The following CFAP99 variants were observed in gnomAD, a reference collection of about 807,000 sequenced individuals.
CFAP99 encodes the protein cilia- and flagella-associated protein 99.
CFAP99 carries 84 observed loss-of-function variants against 82.7 expected under a neutral mutation model. The ratio of observed to expected loss-of-function variants is 1.02; its 90% CI spans 0.85 to 1.22. The LOEUF is 1.22. Among genes scored for constraint, CFAP99 ranks in the 50% most tolerant of loss-of-function variants. CFAP99 has a pLI of 0.00. For missense variants in CFAP99, 1,059 were observed against 983.5 expected (o/e 1.08, Z -1.03); for synonymous variants, 456 against 429.5 (o/e 1.06, Z -0.76).
chr4:2,449,791 T>G (rs1476452084), intron 7 of CFAP99, 41 bp downstream of exon 7: 1 of 1,533,158 alleles, frequency 6.5e-7, no homozygotes. Flanking sequence ...AGACCCCATA[T>G]GAGGGATGTG....
exon 11 of CFAP99, chr4:2,452,237 C>T (rs1560387810): frequency 3.9e-6 from 6 of 1,536,020 alleles, no homozygotes; most frequent in Non-Finnish European, 4.4e-6. Context: ...CAGCTGGCTG[C>T]AAGCGAGTGC....
chr4:2,419,812 C>T (rs1372442760), intron 1 of CFAP99, among the ~76,000 whole-genome samples: 1 of 152,082 alleles, frequency 6.6e-6, no homozygotes, highest in East Asian at 1.9e-4. Flanking sequence ...TTTCCCTACT[C>T]TCCTCTTCCT....
chr4:2,423,332 G>C (rs1268255770), intron 1 of CFAP99, among the ~76,000 whole-genome samples: 1 of 152,260 alleles, frequency 6.6e-6, no homozygotes, highest in Non-Finnish European at 1.5e-5. Flanking sequence ...CCCGAGGAGA[G>C]GGGCTGAATT....
rs769395892 is a variant in CFAP99, at chr4:2,438,204, C to T, written c.351+40C>T. 17 of 1,169,900 alleles carry T rather than the reference C, an allele frequency of 1.5e-5. No homozygotes were observed. In the African/African-American group the frequency reaches 2.0e-4, roughly 14 times the overall value. The allele number at this position is 1,169,900 out of a possible 1,614,324, so 72.5% of individuals were successfully genotyped here. On this transcript the variant is annotated intron_variant, in intron 4 of 14. Coordinates refer to ENST00000635017, the Ensembl canonical transcript of CFAP99. ...CCTGCCCACCAGGCCACGAGGCCCA[C>T]GGGTGAGGTCCGTCTGATCCTCGCC...
chr4:2,462,902 C>T lies in CFAP99; in HGVS notation c.2121C>T (p.Pro707=), dbSNP rs1734666142. 6.1e-6 allele frequency: 8 copies of T among 1,317,544 alleles called. No individual in the cohort carries two copies. In the South Asian group the frequency reaches 6.4e-5, roughly 10 times the overall value. The allele number at this position is 1,317,544 out of a possible 1,614,324, so 81.6% of individuals were successfully genotyped here. A position where few individuals can be genotyped will look rare whatever the true frequency, so the allele number is the denominator to read the frequency against. ...AGCAGGGAGGCTCAGGACCCGGGCC[C>T]GCGCGCCGCCTGGAGGCCGCCTGAG... Residue 707 remains proline (P), a synonymous_variant, in exon 15 of 15, where the codon CCC becomes CCT. Transcript: ENST00000635017. This position sits in a 1 kb window ranked among gnomAD's most constrained non-coding sequence, Gnocchi z 4.1.
intron 8 of CFAP99, 45 bp downstream of exon 8, chr4:2,450,050 C>G: frequency 6.6e-7 from 1 of 1,521,994 alleles, no homozygotes; most frequent in East Asian, 2.5e-5. Flanking sequence ...GTGCCATCTT[C>G]TCAAGCCATC....
At chr4:2,441,748 C>G (rs1033332003) in intron 4 of CFAP99, among the ~76,000 whole-genome samples, 1 of 152,224 alleles carries the variant, frequency 6.6e-6, no homozygotes, top group African/African-American at 2.4e-5. Flanking sequence ...TTCTTCCTGC[C>G]TCGGGGCTCC....
chr4:2,451,202 G>C (rs1734293066), intron 9 of CFAP99, 62 bp from the exon 10 acceptor site: 1 of 1,517,710 alleles, frequency 6.6e-7, no homozygotes, highest in Non-Finnish European at 8.8e-7. Context: ...GGGCAGGATG[G>C]GCATTTGCTG....
intron 1 of CFAP99, among the ~76,000 whole-genome samples, chr4:2,426,073 C>T (rs913239722): frequency 6.6e-6 from 1 of 152,210 alleles, no homozygotes; most frequent in Non-Finnish European, 1.5e-5. Context: ...CGAGAGGTGC[C>T]TGTGCTCTCT....
At chr4:2,437,408 C>T (rs1480775467) in intron 3 of CFAP99, among the ~76,000 whole-genome samples, 1 of 152,220 alleles carries the variant, frequency 6.6e-6, no homozygotes, top group African/African-American at 2.4e-5. Flanking sequence ...GACTCGCTGC[C>T]TGGGCTTCCT....
At position 2,462,877 on chromosome 4, in the gene CFAP99, A is replaced by C; in HGVS notation, c.2096A>C (p.Gln699Pro). Residue 699 changes from glutamine (Q) to proline (P), a missense_variant, in exon 15 of 15, where the codon CAG becomes CCG. Transcript: ENST00000635017. This position sits in a 1 kb window ranked among gnomAD's most constrained non-coding sequence, Gnocchi z 4.1. Reference sequence around the variant, plus strand: ...CGCGAGCGCAGGCTGCAGGCGCTGCAGCAGGGAGGCTCAGGACCCGGGCCC... The same window carrying C: ...CGCGAGCGCAGGCTGCAGGCGCTGCCGCAGGGAGGCTCAGGACCCGGGCCC... 1.4e-6 allele frequency: 2 copies of C among 1,385,940 alleles called. No individual in the cohort carries two copies. Among genetic ancestry groups the C allele is most frequent in the South Asian group, 1.6e-5 (1 of 63,788 alleles). The allele number at this position is 1,385,940 out of a possible 1,614,324, so 85.9% of individuals were successfully genotyped here. A position where few individuals can be genotyped will look rare whatever the true frequency, so the allele number is the denominator to read the frequency against.
chr4:2,450,378 C>G (rs551500188), intron 8 of CFAP99: 48 of 312,090 alleles, frequency 1.5e-4, no homozygotes, highest in Non-Finnish European at 2.7e-4. Context: ...GAGACTGTGC[C>G]TGGCGGGGCT....
chr4:2,431,990 CTG>C (rs1218615563), intron 2 of CFAP99, among the ~76,000 whole-genome samples: 2 of 152,180 alleles, frequency 1.3e-5, no homozygotes, highest in African/African-American at 2.4e-5. Flanking sequence ...TGTTAGGAAA[CTG>C]TGTTTGGATA....
intron 4 of CFAP99, among the ~76,000 whole-genome samples, chr4:2,440,427 T>G (rs981182965): frequency 1.3e-5 from 2 of 149,940 alleles, no homozygotes; most frequent in African/African-American, 4.9e-5. Flanking sequence ...ATTACAGGCG[T>G]GAGCCACCGC....
intron 1 of CFAP99, 63 bp downstream of exon 1, chr4:2,419,156 C>A (rs1182808029): frequency 6.6e-6 from 1 of 152,144 alleles, no homozygotes; most frequent in Non-Finnish European, 1.5e-5. Flanking sequence ...CCGGCCGGTT[C>A]CCTCTCGCTC....
intron 1 of CFAP99, among the ~76,000 whole-genome samples, chr4:2,420,747 T>C (rs1277097551): frequency 6.6e-6 from 1 of 151,892 alleles, no homozygotes; most frequent in African/African-American, 2.4e-5. Flanking sequence ...GTGGTTGGTA[T>C]GGCAGCCCTA....
At chr4:2,456,720 T>C (rs1462150727) in intron 11 of CFAP99, among the ~76,000 whole-genome samples, 1 of 151,832 alleles carries the variant, frequency 6.6e-6, no homozygotes, top group Non-Finnish European at 1.5e-5. Context: ...AGTTTCTCCA[T>C]GTTGGTCAGG....
At chr4:2,454,581 C>CTTTTTTTTTTTGTTTTTTTTT (rs1734378524) in intron 11 of CFAP99, among the ~76,000 whole-genome samples, 13 of 94,712 alleles carry the variant, frequency 1.4e-4, no homozygotes, top group South Asian at 7.2e-4. Flanking sequence ...TGTTTTTTTT[C>CTTTTTTTTTTTGTTTTTTTTT]TTTTTTTTTT....
At chr4:2,430,815 G>A (rs1337487293) in intron 2 of CFAP99, among the ~76,000 whole-genome samples, 1 of 152,188 alleles carries the variant, frequency 6.6e-6, no homozygotes, top group Non-Finnish European at 1.5e-5. Context: ...GCTCATGCCT[G>A]TAATCTCAGC....
Sources: allele counts gnomAD v4.1 joint callset (sites outside exome capture counted in the v4.1 genomes callset), GRCh38; gene constraint gnomAD v4.1.1; non-coding constraint Gnocchi (gnomAD v3.1); transcripts MANE v1.5; gene names NCBI Gene and HGNC (gene_info 2026-07-23, HGNC 2026-07-21).